The following NRP1 variants were observed in gnomAD, a reference collection of about 807,000 sequenced individuals.
NRP1 encodes the protein neuropilin 1.
Under a neutral mutation model 106.7 loss-of-function variants are expected in NRP1, and 35 were observed. The ratio of observed to expected loss-of-function variants is 0.33; its 90% CI spans 0.25 to 0.43. NRP1 has a LOEUF of 0.43. Ranked by LOEUF, NRP1 falls within the 20% of genes least tolerant of loss-of-function variation. The pLI, the probability that NRP1 is intolerant of heterozygous loss-of-function variation, is 1.00. For missense variants in NRP1, 1,024 were observed against 1,170.4 expected (o/e 0.87, Z 1.83); for synonymous variants, 437 against 417.9 (o/e 1.05, Z -0.56).
In NRP1 at chr10:33,192,423, A is replaced by G. The variant is rs752230793; in HGVS notation, c.1925-5T>C. On this transcript the variant is annotated splice_region_variant and splice_polypyrimidine_tract_variant and intron_variant, in intron 12 of 16. Coordinates refer to ENST00000374867, the MANE Select transcript of NRP1 (RefSeq NM_003873.7). ...TAAAACCATATGTTGGAAACTCTTC[A>G]GTGGGTGGGAAGTAAAAATAAGAGA... The G allele has an allele frequency of 3.1e-6, 5 of 1,612,900 alleles. No individual in the cohort carries two copies. The African/African-American group carries it at 5.3e-5, about 17-fold the overall frequency.
chr10:33,275,607 C>T (rs1843632132), intron 2 of NRP1, among the ~76,000 whole-genome samples: 1 of 151,238 alleles, frequency 6.6e-6, no homozygotes, highest in Admixed American at 6.6e-5. Context: ...AAAAAAAAAA[C>T]CATGTTCAGG....
chr10:33,237,487 G>GCGCGCT (rs1554788780), intron 6 of NRP1, among the ~76,000 whole-genome samples: 1 of 144,758 alleles, frequency 6.9e-6, no homozygotes, highest in Non-Finnish European at 1.5e-5. Context: ...ACATGCGCGC[G>GCGCGCT]CACACACACA....
intron 9 of NRP1, 98 bp downstream of exon 9, chr10:33,213,288 G>A (rs762328169): frequency 6.2e-7 from 1 of 1,613,682 alleles, no homozygotes; most frequent in Non-Finnish European, 8.5e-7. Flanking sequence ...TGTCATGGCT[G>A]GAAGGAAATA....
chr10:33,201,119 T>C (rs959997213), intron 11 of NRP1: 1 of 152,206 alleles, frequency 6.6e-6, no homozygotes. Context: ...CAAAACCTTA[T>C]AGTTTTGAAA....
intron 1 of NRP1, among the ~76,000 whole-genome samples, chr10:33,331,651 C>T (rs1270471596): frequency 6.6e-6 from 1 of 152,170 alleles, no homozygotes; most frequent in African/African-American, 2.4e-5. Context: ...TATGGTAACC[C>T]ACATTCTCAC....
chr10:33,195,795 G>A (rs942613828), intron 12 of NRP1, among the ~76,000 whole-genome samples: 4 of 152,190 alleles, frequency 2.6e-5, no homozygotes, highest in Admixed American at 1.3e-4. Context: ...TCATGACTCA[G>A]ACAATGGAGA....
intron 10 of NRP1, among the ~76,000 whole-genome samples, chr10:33,207,073 C>T (rs955030863): frequency 4.6e-5 from 7 of 152,080 alleles, no homozygotes; most frequent in African/African-American, 7.2e-5. Flanking sequence ...CACTGCGGAC[C>T]GAAACTGGAT....
intron 11 of NRP1, 181 bp downstream of exon 11, chr10:33,202,710 A>G (rs1366384478): frequency 1.3e-6 from 2 of 1,552,138 alleles, no homozygotes; most frequent in African/African-American, 2.7e-5. Flanking sequence ...GGCTATTAAG[A>G]ACAACTCATC....
At chr10:33,253,107 C>T (rs1841976061) in intron 6 of NRP1, among the ~76,000 whole-genome samples, 1 of 151,908 alleles carries the variant, frequency 6.6e-6, no homozygotes, top group Non-Finnish European at 1.5e-5. Flanking sequence ...AGCCTGGATC[C>T]TTCAGCAAAT....
At chr10:33,282,604 A>G (rs1380567922) in intron 2 of NRP1, among the ~76,000 whole-genome samples, 1 of 152,202 alleles carries the variant, frequency 6.6e-6, no homozygotes, top group Non-Finnish European at 1.5e-5. Context: ...ATTCTGGAGC[A>G]GGGAAGTCCT....
chr10:33,212,138 T>C (rs1427192892), intron 9 of NRP1: 1 of 152,232 alleles, frequency 6.6e-6, no homozygotes, highest in East Asian at 1.9e-4. Context: ...TGGTGGATGT[T>C]GGAATGGAAT....
At position 33,208,557 on chromosome 10, in the gene NRP1, A is replaced by C. The variant is rs190570064; in HGVS notation, c.1615-841T>G. The stretch of plus-strand genomic sequence containing the variant: ...TTTCAAGAAATGGATGAGCCTCCTT[A>C]TATCCTCTTCTCCAGCATCATTCTT... On this transcript the variant is annotated intron_variant, in intron 9 of 16. Coordinates refer to ENST00000374867, the MANE Select transcript of NRP1 (RefSeq NM_003873.7). Among the ~76,000 whole-genome samples the C allele has an allele frequency of 7.3e-3, 1,107 of 152,258 alleles. 7 individuals carry two copies. The highest frequency in any genetic ancestry group is 0.01 in the Non-Finnish European group (698 of 68,018).
intron 16 of NRP1, among the ~76,000 whole-genome samples, chr10:33,181,866 G>A (rs1835708984): frequency 6.6e-6 from 1 of 152,194 alleles, no homozygotes; most frequent in South Asian, 2.1e-4. Context: ...TTAGGAGGCT[G>A]AGGCCAGGGA....
At chr10:33,319,523 TA>T (rs1269222947) in intron 2 of NRP1, among the ~76,000 whole-genome samples, 15 of 151,736 alleles carry the variant, frequency 9.9e-5, no homozygotes, top group Admixed American at 9.8e-4. Flanking sequence ...CTCCTCACAA[TA>T]AATCTTGCTG....
At chr10:33,273,843 G>A (rs1211332982) in intron 2 of NRP1, among the ~76,000 whole-genome samples, 2 of 151,964 alleles carry the variant, frequency 1.3e-5, no homozygotes. Context: ...GCTATGAATG[G>A]GTCCAAAGGG....
At chr10:33,226,455 T>TA (rs1564400999) in intron 6 of NRP1, among the ~76,000 whole-genome samples, 166 bp from the exon 7 acceptor site, 1 of 151,960 alleles carries the variant, frequency 6.6e-6, no homozygotes, top group Non-Finnish European at 1.5e-5. Context: ...CATTCCTTCT[T>TA]AAAAAAAGGC....
intron 8 of NRP1, among the ~76,000 whole-genome samples, chr10:33,215,703 A>G (rs1838704918): frequency 6.6e-6 from 1 of 152,226 alleles, no homozygotes; most frequent in South Asian, 2.1e-4. Flanking sequence ...AACTAAGTCC[A>G]CATTATCAGC....
chr10:33,311,598 T>C (rs1846611083), intron 2 of NRP1, among the ~76,000 whole-genome samples: 1 of 152,180 alleles, frequency 6.6e-6, no homozygotes, highest in Admixed American at 6.5e-5. Flanking sequence ...TCAATAAATA[T>C]TTATTGAATG....
chr10:33,276,710 A>G (rs538950517), intron 2 of NRP1, among the ~76,000 whole-genome samples: 1 of 152,278 alleles, frequency 6.6e-6, no homozygotes, highest in East Asian at 1.9e-4. Context: ...AGGATTAGCC[A>G]TTAACTATCG....
Sources: allele counts gnomAD v4.1 joint callset (sites outside exome capture counted in the v4.1 genomes callset), GRCh38; gene constraint gnomAD v4.1.1; transcripts MANE v1.5; gene names NCBI Gene and HGNC (gene_info 2026-07-23, HGNC 2026-07-21).